SYNE1: variants seen among roughly 807,000 people sequenced by gnomAD.
The protein encoded by SYNE1 is spectrin repeat containing nuclear envelope protein 1, also known as nesprin-1.
In SYNE1, 616 loss-of-function variants were observed where a neutral mutation model predicts 1,111.0. The observed-to-expected ratio is 0.55, with a 90% CI of 0.52 to 0.59. The LOEUF is 0.59. Among genes scored for constraint, SYNE1 ranks in the 20% least tolerant of loss-of-function variants. The probability of loss-of-function intolerance (pLI) is 0.00; values close to 1 mark genes in which losing one functional copy is unlikely to be tolerated. For synonymous variants in SYNE1, 3,855 were observed against 3,825.8 expected, an observed-to-expected ratio of 1.01 and a Z score of -0.28; for missense variants, 10,006 against 10,417.0, an observed-to-expected ratio of 0.96 and a Z score of 1.72.
chr6:152,193,634 A>G (rs1047770509), intron 127 of SYNE1, among the ~76,000 whole-genome samples: 1 of 152,086 alleles, frequency 6.6e-6, no homozygotes, highest in Non-Finnish European at 1.5e-5. Flanking sequence ...TTTCTTATTT[A>G]TATCTTATCA....
rs17082484 is a variant in SYNE1, at chr6:152,330,699, C to T, written c.13986G>A (p.Lys4662=). 1.1e-3 allele frequency: 1,855 copies of T among 1,614,024 alleles called. 25 individuals carry two copies. The African/African-American group carries it at 0.022, about 19-fold the overall frequency. The change falls in exon 78 of 146, where the codon AAG becomes AAA. Residue 4662 remains lysine (K), a synonymous_variant. Coordinates refer to ENST00000367255, the MANE Select transcript of SYNE1 (RefSeq NM_182961.4). ...GAATTGCTTCCTGGACTTTATAGAA[C>T]TTGTCTTTAGCCAAGGCAACAATTA... ...FNVIVALAKD[K]FYKVQEAILA...
rs1325149697 is a variant in SYNE1 at position 152,316,898 on chromosome 6, A to G, written c.16661T>C (p.Ile5554Thr). The change falls in exon 87 of 146, where the codon ATT becomes ACT. Residue 5554 changes from isoleucine (I) to threonine (T), a missense_variant. Around this residue, in one of 7 missense-constraint regions of SYNE1, gnomAD observed 4,955 missense variants for 5,017.2 expected, o/e 0.99. Transcript: ENST00000367255. Reference sequence around the variant, plus strand: ...AAGCTGGCTTGCAGAATTCCATGCAATAGTTCCATGAGCCAAGACTTTAGC... The same window carrying G: ...AAGCTGGCTTGCAGAATTCCATGCAGTAGTTCCATGAGCCAAGACTTTAGC... Reference protein sequence around the residue: ...EKAKVLAHGTIAWNSASQLRE... With the variant: ...EKAKVLAHGTTAWNSASQLRE... 1 of 1,614,070 alleles carries G rather than the reference A, an allele frequency of 6.2e-7. No homozygotes were observed. Among genetic ancestry groups the G allele is most frequent in the Non-Finnish European group, 8.5e-7 (1 of 1,180,034 alleles).
chr6:152,624,997 G>GA (rs547262614), intron 3 of SYNE1, among the ~76,000 whole-genome samples: 8 of 151,540 alleles, frequency 5.3e-5, no homozygotes, highest in South Asian at 2.1e-4. Flanking sequence ...CAAAAATGGG[G>GA]AAAAAAAACC....
rs570992781 is a variant in SYNE1 at position 152,459,808 on chromosome 6, C to T, written c.2395-878G>A. ...TAGTATAAAGACAATAATGTTCTAACCAGATGAGGCATATTCCAAAAAGTA... is the reference window on the plus strand; with the variant it reads ...TAGTATAAAGACAATAATGTTCTAATCAGATGAGGCATATTCCAAAAAGTA... On this transcript the variant is annotated intron_variant, in intron 21 of 145. Transcript: ENST00000367255. Among the ~76,000 whole-genome samples the T allele has an allele frequency of 2.7e-4, 41 of 152,204 alleles. No homozygotes were observed. The South Asian group carries it at 8.1e-3, about 30-fold the overall frequency.
intron 3 of SYNE1, among the ~76,000 whole-genome samples, chr6:152,613,087 C>G (rs2099636434): frequency 6.6e-6 from 1 of 152,160 alleles, no homozygotes; most frequent in Admixed American, 6.5e-5. Flanking sequence ...AAAACCGGCA[C>G]AAGACAAGGA....
intron 6 of SYNE1, among the ~76,000 whole-genome samples, chr6:152,519,761 T>A (rs895971273): frequency 1.3e-5 from 2 of 152,146 alleles, no homozygotes; most frequent in African/African-American, 4.8e-5. Context: ...CTAAGTTATT[T>A]CCCAACTATA....
chr6:152,616,641 T>A (rs2099651806), intron 3 of SYNE1, among the ~76,000 whole-genome samples: 1 of 152,152 alleles, frequency 6.6e-6, no homozygotes, highest in Non-Finnish European at 1.5e-5. Context: ...GAGATGAGGA[T>A]GAGAGAGTCT....
intron 19 of SYNE1, 97 bp downstream of exon 19, chr6:152,463,256 A>T: frequency 6.4e-7 from 1 of 1,560,400 alleles, no homozygotes; most frequent in South Asian, 1.1e-5. Context: ...TTGCCTTAAT[A>T]AACCCGTGCT....
chr6:152,133,334 T>TTG lies in SYNE1; in HGVS notation c.25942_25943insCA (p.Glu8648AlafsTer14). 6.2e-7 allele frequency: 1 copy of TTG among 1,614,172 alleles called. No individual in the cohort carries two copies. The highest frequency in any genetic ancestry group is 8.5e-7 in the Non-Finnish European group (1 of 1,180,028). ...CAGTTCCTTGATATGACGACTGACC[T>TTG]CCTTCAAGAGAAGTTTGAGCCGATT... On this transcript the variant is annotated frameshift_variant, in exon 143 of 146. Transcript: ENST00000367255. LOFTEE classifies it high-confidence loss of function.
intron 145 of SYNE1, chr6:152,127,974 A>T (rs2054112364): frequency 6.6e-6 from 1 of 152,096 alleles, no homozygotes; most frequent in African/African-American, 2.4e-5. Context: ...GGTGCCAGAG[A>T]CCTAAGGTGC....
In SYNE1 at chr6:152,173,850, A is replaced by T. The variant is rs2065778282; in HGVS notation, c.23627+2544T>A. On this transcript the variant is annotated intron_variant, in intron 130 of 145. Transcript: ENST00000367255. ...AGTGACTATAGTGAGAAGCATGTGTACCTTATAAACATGTAATTGATTCAA... is the reference window on the plus strand; with the variant it reads ...AGTGACTATAGTGAGAAGCATGTGTTCCTTATAAACATGTAATTGATTCAA... 2.0e-5 allele frequency among the ~76,000 whole-genome samples: 3 copies of T among 152,244 alleles called. No individual in the cohort carries two copies. In the South Asian group the frequency reaches 6.2e-4, roughly 32 times the overall value.
intron 2 of SYNE1, among the ~76,000 whole-genome samples, chr6:152,634,565 A>G (rs2099703105): frequency 2.0e-5 from 3 of 152,240 alleles, no homozygotes; most frequent in Admixed American, 2.0e-4. Context: ...ATGTAAGTAT[A>G]TTACTAATAA....
chr6:152,237,146 G>T (rs1418600722), intron 108 of SYNE1, among the ~76,000 whole-genome samples, 198 bp from the exon 109 acceptor site: 1 of 152,050 alleles, frequency 6.6e-6, no homozygotes, highest in Non-Finnish European at 1.5e-5. Context: ...ATTGTGAATG[G>T]GCTCTGGAAT....
rs141554426 is a variant in SYNE1, at chr6:152,267,999, T to G, written c.18815+57A>C. ...AAAATTTTGAGTGAGATGTTTACTT[T>G]TCTTCAAATGTCAGGGAAACACAAT... is the stretch of plus-strand genomic sequence containing the variant. On this transcript the variant is annotated intron_variant, in intron 100 of 145. Coordinates refer to ENST00000367255, the MANE Select transcript of SYNE1 (RefSeq NM_182961.4). 290 of 1,477,424 alleles carry G rather than the reference T, an allele frequency of 2.0e-4. 1 individual carries two copies. In the East Asian group the frequency reaches 5.0e-3, roughly 25 times the overall value. The allele number at this position is 1,477,424 out of a possible 1,614,324, so 91.5% of individuals were successfully genotyped here.
At chr6:152,253,133 A>G (rs975047071) in intron 104 of SYNE1, among the ~76,000 whole-genome samples, 10 of 152,182 alleles carry the variant, frequency 6.6e-5, no homozygotes, top group African/African-American at 2.4e-4. Flanking sequence ...ATCAACTGGC[A>G]AAGGATATTG....
chr6:152,304,844 G>A lies in SYNE1; in HGVS notation c.17347-2781C>T, dbSNP rs139313388. 4.1e-3 allele frequency among the ~76,000 whole-genome samples: 618 copies of A among 152,204 alleles called. 5 individuals are homozygous for A. Among genetic ancestry groups the A allele is most frequent in the African/African-American group, 0.013 (552 of 41,538 alleles). ...GCAACTCTGGTCACCACTTCCAAAG[G>A]TTCTGATTTACCAGGTGTATGACAG... On this transcript the variant is annotated intron_variant, in intron 91 of 145. Coordinates refer to ENST00000367255, the MANE Select transcript of SYNE1 (RefSeq NM_182961.4).
chr6:152,305,031 C>T (rs919554224), intron 91 of SYNE1, among the ~76,000 whole-genome samples: 1 of 152,074 alleles, frequency 6.6e-6, no homozygotes, highest in Non-Finnish European at 1.5e-5. Context: ...TAAAATGGAA[C>T]ACTTGGTTTA....
At chr6:152,241,500 C>CTG (rs1231628952) in intron 107 of SYNE1, among the ~76,000 whole-genome samples, 2 of 74,176 alleles carry the variant, frequency 2.7e-5, no homozygotes, top group Admixed American at 1.2e-4. Flanking sequence ...AATGCAAGAG[C>CTG]TGTGTGTGTG....
intron 66 of SYNE1, among the ~76,000 whole-genome samples, chr6:152,356,404 C>G (rs973297834): frequency 6.7e-6 from 1 of 149,456 alleles, no homozygotes; most frequent in African/African-American, 2.4e-5. Flanking sequence ...TCCCAAATTT[C>G]AAGTCTGTAT....
Sources: gnomAD v4.1 joint callset for allele counts (sites outside exome capture counted in the v4.1 genomes callset) on GRCh38, gnomAD v4.1.1 for gene constraint, gnomAD v4.1.1 regional missense constraint, MANE v1.5 for transcripts, NCBI Gene and HGNC (gene_info 2026-07-23, HGNC 2026-07-21) for gene names.